The following THEMIS variants were observed in gnomAD, a reference collection of about 807,000 sequenced individuals.
THEMIS encodes the protein thymocyte selection associated.
A neutral mutation model predicts 52.6 loss-of-function variants in THEMIS; 37 were observed. The observed-to-expected ratio is 0.70, with a 90% CI of 0.54 to 0.93. The LOEUF is 0.93. Among genes scored for constraint, THEMIS ranks in the 40% least tolerant of loss-of-function variants. The pLI is 0.00. For synonymous variants in THEMIS, 292 were observed against 272.7 expected (o/e 1.07, Z -0.70); for missense variants, 808 against 763.1 (o/e 1.06, Z -0.69).
At chr6:127,875,953 G>T (rs1227486233) in intron 1 of THEMIS, among the ~76,000 whole-genome samples, 1 of 152,090 alleles carries the variant, frequency 6.6e-6, no homozygotes, top group African/African-American at 2.4e-5. Context: ...TTGATAGAAA[G>T]GGCATTCCAG....
chr6:127,831,371 G>A (rs1778694470), intron 2 of THEMIS, among the ~76,000 whole-genome samples: 1 of 152,088 alleles, frequency 6.6e-6, no homozygotes, highest in East Asian at 1.9e-4. Flanking sequence ...GAGAAAATGA[G>A]GACAAAGAAG....
At chr6:127,794,221 C>T (rs948360307) in intron 4 of THEMIS, among the ~76,000 whole-genome samples, 8 of 152,300 alleles carry the variant, frequency 5.3e-5, no homozygotes, top group African/African-American at 9.6e-5. Flanking sequence ...AATATTAAGA[C>T]GGCAATGTTC....
intron 2 of THEMIS, among the ~76,000 whole-genome samples, chr6:127,847,021 A>G (rs1028550852): frequency 6.6e-6 from 1 of 152,068 alleles, no homozygotes; most frequent in Non-Finnish European, 1.5e-5. Flanking sequence ...AAACAGAATT[A>G]AAAACAGAAA....
At chr6:127,879,187 T>C (rs1484159723) in intron 1 of THEMIS, among the ~76,000 whole-genome samples, 1 of 152,198 alleles carries the variant, frequency 6.6e-6, no homozygotes, top group Non-Finnish European at 1.5e-5. Flanking sequence ...TTCTAATTAT[T>C]GTTGACAGAA....
Position 127,855,066 on chromosome 6 carries a change from A to T in THEMIS, c.214T>A (p.Ser72Thr), listed in dbSNP as rs756817532. ...EICEQIEGCE[S>T]LQPFELPMNF... ...ATAGGCAGTTCAAATGGCTGTAGAG[A>T]CTCACAACCTTCAATCTGCTCACAA... The change falls in exon 2 of 6, where the codon TCT becomes ACT. Residue 72 changes from serine to threonine, a missense_variant. Coordinates refer to ENST00000368248, the MANE Select transcript of THEMIS (RefSeq NM_001010923.3). 5 of 1,610,464 alleles carry T rather than the reference A, an allele frequency of 3.1e-6. No individual in the cohort carries two copies. The East Asian group carries it at 6.7e-5, about 22-fold the overall frequency.
chr6:127,734,914 T>TGA (rs1491445130), intron 4 of THEMIS, among the ~76,000 whole-genome samples: 1 of 98,218 alleles, frequency 1.0e-5, no homozygotes, highest in African/African-American at 4.0e-5. Context: ...TATATATATA[T>TGA]GTGTGTGTGT....
At chr6:127,894,354 T>G (rs938298896) in intron 1 of THEMIS, among the ~76,000 whole-genome samples, 4 of 151,890 alleles carry the variant, frequency 2.6e-5, no homozygotes, top group Admixed American at 6.6e-5. Flanking sequence ...ACAATGAAAT[T>G]ATTAATTAAA....
chr6:127,813,830 C>G lies in THEMIS; in HGVS notation c.811G>C (p.Glu271Gln). Reference sequence around the variant, plus strand: ...TTACTAGTCATTTCAAAAAGATCTTCTGTTGATAACAGCTGAAGAAACCAG... The same window carrying G: ...TTACTAGTCATTTCAAAAAGATCTTGTGTTGATAACAGCTGAAGAAACCAG... ...ANWFLQLLST[E>Q]DLFEMTSKEF... The change falls in exon 4 of 6, where the codon GAA becomes CAA. Residue 271 changes from glutamate to glutamine, a missense_variant. Transcript: ENST00000368248. The G allele has an allele frequency of 1.2e-6, 2 of 1,613,820 alleles. No individual in the cohort carries two copies. Among genetic ancestry groups the G allele is most frequent in the East Asian group, 2.2e-5 (1 of 44,882 alleles).
At chr6:127,911,349 CATTT>C (rs543008326) in intron 1 of THEMIS, among the ~76,000 whole-genome samples, 13 of 150,664 alleles carry the variant, frequency 8.6e-5, no homozygotes, top group African/African-American at 2.0e-4. Context: ...TCTTCTCCTT[CATTT>C]ATTTATTTAT....
chr6:127,914,836 A>C (rs1781487271), intron 1 of THEMIS, among the ~76,000 whole-genome samples: 1 of 152,310 alleles, frequency 6.6e-6, no homozygotes, highest in South Asian at 2.1e-4. Flanking sequence ...ATCTTCATAA[A>C]GTTCTATTTT....
chr6:127,795,286 G>A (rs960065325), intron 4 of THEMIS, among the ~76,000 whole-genome samples: 6 of 152,112 alleles, frequency 3.9e-5, no homozygotes, highest in African/African-American at 1.4e-4. Context: ...AAATTAATAT[G>A]CTTAATATAA....
At chr6:127,734,220 A>C (rs1774907871) in intron 4 of THEMIS, among the ~76,000 whole-genome samples, 1 of 152,226 alleles carries the variant, frequency 6.6e-6, no homozygotes, top group Admixed American at 6.5e-5. Context: ...TTTATGAGAC[A>C]ACCATACAGA....
chr6:127,790,807 G>A (rs568995833), intron 4 of THEMIS, among the ~76,000 whole-genome samples: 9 of 152,348 alleles, frequency 5.9e-5, no homozygotes, highest in African/African-American at 2.2e-4. Context: ...ACTGCCCACA[G>A]CCAGGCACTC....
At chr6:127,747,287 T>C (rs909293968) in intron 4 of THEMIS, among the ~76,000 whole-genome samples, 1 of 140,470 alleles carries the variant, frequency 7.1e-6, no homozygotes, top group Admixed American at 7.5e-5. Context: ...CATATAGAGA[T>C]ATCTATCTGT....
At chr6:127,810,371 T>C (rs959428531) in intron 4 of THEMIS, among the ~76,000 whole-genome samples, 4 of 152,180 alleles carry the variant, frequency 2.6e-5, no homozygotes, top group African/African-American at 4.8e-5. Flanking sequence ...AAAATTCATA[T>C]GCTGGAAACT....
At chr6:127,916,603 T>C (rs1203057941) in intron 1 of THEMIS, among the ~76,000 whole-genome samples, 1 of 152,174 alleles carries the variant, frequency 6.6e-6, no homozygotes, top group Non-Finnish European at 1.5e-5. Flanking sequence ...GTAAGAAAAA[T>C]AAAATGGATA....
chr6:127,794,446 C>G (rs1358160621), intron 4 of THEMIS, among the ~76,000 whole-genome samples: 1 of 152,226 alleles, frequency 6.6e-6, no homozygotes, highest in Non-Finnish European at 1.5e-5. Flanking sequence ...CTGATGTCAT[C>G]TCCTTTTATC....
chr6:127,813,517 GA>G lies in THEMIS; in HGVS notation c.1123del (p.Ser375ProfsTer30), dbSNP rs1335642486. ...TACGGATGACAGCTTGTCATGAGGG[GA>G]ATGAAACGCTTTGGTGGCCACCACG... ...LHVVATKAFH[S>X]PHDKLSSVSV... is the part of the protein sequence containing the mutation. On this transcript the variant is annotated frameshift_variant, in exon 4 of 6. Coordinates refer to ENST00000368248, the MANE Select transcript of THEMIS (RefSeq NM_001010923.3). LOFTEE classifies it high-confidence loss of function. 2 of 1,613,646 alleles carry G rather than the reference GA, an allele frequency of 1.2e-6. No homozygotes were observed. Among genetic ancestry groups the G allele is most frequent in the Admixed American group, 3.3e-5 (2 of 59,910 alleles).
At chr6:127,804,053 T>C (rs890008940) in intron 4 of THEMIS, among the ~76,000 whole-genome samples, 4 of 152,250 alleles carry the variant, frequency 2.6e-5, no homozygotes, top group Non-Finnish European at 2.9e-5. Context: ...CCATTTTATA[T>C]GCATAAAATA....
Sources: gnomAD v4.1 joint callset for allele counts (sites outside exome capture counted in the v4.1 genomes callset) on GRCh38, gnomAD v4.1.1 for gene constraint, MANE v1.5 for transcripts, NCBI Gene and HGNC (gene_info 2026-07-23, HGNC 2026-07-21) for gene names.